EXOC2: variants seen among roughly 807,000 people sequenced by gnomAD.
EXOC2 encodes SEC5-like 1.
EXOC2 carries 70 observed loss-of-function variants against 131.8 expected under a neutral mutation model. The observed-to-expected ratio is 0.53, with a 90% CI of 0.44 to 0.65. EXOC2 has a LOEUF of 0.65. EXOC2 is among the 30% of genes least tolerant of loss of function. EXOC2 has a pLI of 0.00. For synonymous variants in EXOC2, 411 were observed against 398.4 expected (o/e 1.03, Z -0.38); for missense variants, 923 against 1,108.6 (o/e 0.83, Z 2.38).
At chr6:656,896 T>C (rs764599314) in intron 1 of EXOC2, 16 of 1,594,112 alleles carry the variant, frequency 1.0e-5, no homozygotes, top group Non-Finnish European at 1.3e-5. Context: ...CTGACGTGAA[T>C]GAACAGCTCT....
intron 10 of EXOC2, among the ~76,000 whole-genome samples, chr6:593,179 C>A (rs1252542087): frequency 1.3e-5 from 2 of 152,062 alleles, no homozygotes; most frequent in Non-Finnish European, 2.9e-5. Flanking sequence ...GAGCATTTTT[C>A]TTTATATTTA....
chr6:603,599 T>G (rs1188709038), intron 7 of EXOC2, among the ~76,000 whole-genome samples: 1 of 152,138 alleles, frequency 6.6e-6, no homozygotes, highest in Admixed American at 6.5e-5. Context: ...TAGGTTAATT[T>G]TTTCTATCTT....
At chr6:540,990 C>T (rs892825369) in intron 22 of EXOC2, among the ~76,000 whole-genome samples, 3 of 152,198 alleles carry the variant, frequency 2.0e-5, no homozygotes, top group Non-Finnish European at 2.9e-5. Flanking sequence ...AATCCACAAA[C>T]CCGATGTAAT....
intron 23 of EXOC2, among the ~76,000 whole-genome samples, chr6:521,667 CAGGT>C (rs1327010767): frequency 6.6e-6 from 1 of 152,072 alleles, no homozygotes; most frequent in Non-Finnish European, 1.5e-5. Context: ...GCTGGGACCA[CAGGT>C]ATGTGCCACC....
chr6:499,412 G>A (rs796154826), intron 24 of EXOC2, among the ~76,000 whole-genome samples: 18 of 147,214 alleles, frequency 1.2e-4, no homozygotes, highest in African/African-American at 4.5e-4. Context: ...TACAATTTCA[G>A]AGAAAGACTC....
chr6:645,581 G>A (rs1762543531), intron 1 of EXOC2, among the ~76,000 whole-genome samples: 1 of 100,458 alleles, frequency 1.0e-5, no homozygotes, highest in African/African-American at 3.3e-5. Flanking sequence ...TGATAACAAA[G>A]GAAGCAACCC....
rs1298256971 is a variant in EXOC2, at chr6:532,586, G to A, written c.2263C>T (p.Leu755=). The A allele has an allele frequency of 6.3e-7, 1 of 1,598,586 alleles. No homozygotes were observed. Among genetic ancestry groups the A allele is most frequent in the Non-Finnish European group, 8.5e-7 (1 of 1,174,436 alleles). Residue 755 remains leucine, a synonymous_variant, in exon 23 of 28, where the codon CTA becomes TTA. Transcript: ENST00000230449. Reference sequence around the variant, plus strand: ...TAATTTTCAAAGAGTCTTTGATCTAGTTCTTTCAATGAGGCCATGCTAACC... The same window carrying A: ...TAATTTTCAAAGAGTCTTTGATCTAATTCTTTCAATGAGGCCATGCTAACC... ...TQVSMASLKE[L]DQRLFENYIE... is the part of the protein sequence containing the mutation.
rs1193989319 is a variant in EXOC2 at position 521,714 on chromosome 6, G to A, written c.2380+10755C>T. On this transcript the variant is annotated intron_variant, in intron 23 of 27. Transcript: ENST00000230449. ...GCTAATTTTTGTGTTTTTTTGTAGG[G>A]ATGGGGTCTCACTATGTTGCCCAGG... Among the ~76,000 whole-genome samples, 3 of 151,888 alleles carry A rather than the reference G, an allele frequency of 2.0e-5. No homozygotes were observed. The East Asian group carries it at 5.8e-4, about 29-fold the overall frequency.
chr6:508,097 A>G (rs1478136708), intron 23 of EXOC2, among the ~76,000 whole-genome samples: 1 of 152,212 alleles, frequency 6.6e-6, no homozygotes, highest in African/African-American at 2.4e-5. Flanking sequence ...GAAACTTGCT[A>G]AATTTCATTC....
At chr6:653,293 T>C (rs890837821) in intron 1 of EXOC2, among the ~76,000 whole-genome samples, 23 of 152,242 alleles carry the variant, frequency 1.5e-4, no homozygotes, top group African/African-American at 4.6e-4. Flanking sequence ...AAGGAAGCCA[T>C]GTCTAATGAC....
rs187592368 is a variant in EXOC2, at chr6:488,967, C to T, written c.2681+12G>A. 1.8e-5 allele frequency: 29 copies of T among 1,613,822 alleles called. No homozygotes were observed. In the East Asian group the frequency reaches 3.3e-4, roughly 19 times the overall value. On this transcript the variant is annotated intron_variant, in intron 27 of 27. Transcript: ENST00000230449. ...ATTCAACTGGCTCCTAAGAACAGCACACAGGACTTACTTTTTATCTGCTCC... is the reference window on the plus strand; with the variant it reads ...ATTCAACTGGCTCCTAAGAACAGCATACAGGACTTACTTTTTATCTGCTCC...
intron 3 of EXOC2, among the ~76,000 whole-genome samples, chr6:632,368 G>A (rs565425875): frequency 5.9e-5 from 9 of 152,180 alleles, no homozygotes; most frequent in Admixed American, 3.9e-4. Flanking sequence ...CGCTGCTAAC[G>A]TAAGGCAGCA....
At chr6:536,714 A>G (rs561441429) in intron 22 of EXOC2, among the ~76,000 whole-genome samples, 84 of 152,346 alleles carry the variant, frequency 5.5e-4, no homozygotes, top group African/African-American at 1.9e-3. Context: ...CCTAAACATA[A>G]AAGTTAACAT....
At chr6:630,900 C>G (rs1387583810) in intron 3 of EXOC2, among the ~76,000 whole-genome samples, 1 of 152,220 alleles carries the variant, frequency 6.6e-6, no homozygotes, top group Non-Finnish European at 1.5e-5. Flanking sequence ...GGAAAACTGA[C>G]TGGGTGTGGA....
chr6:502,056 T>C (rs966574213), intron 23 of EXOC2, among the ~76,000 whole-genome samples: 1 of 152,184 alleles, frequency 6.6e-6, no homozygotes, highest in Non-Finnish European at 1.5e-5. Context: ...TCATACCCTC[T>C]GGGCAGCCCC....
chr6:506,781 A>G lies in EXOC2; in HGVS notation c.2381-7081T>C, dbSNP rs28640142. The stretch of plus-strand genomic sequence containing the variant: ...ACTTGTAGGCTGTTTCCTGTAAGCC[A>G]GCCGGTGTAACCCAGCATATTCTCC... On this transcript the variant is annotated intron_variant, in intron 23 of 27. Coordinates refer to ENST00000230449, the MANE Select transcript of EXOC2 (RefSeq NM_018303.6). The surrounding 1 kb of genome is among the most constrained non-coding windows in gnomAD (Gnocchi z 4.4). Among the ~76,000 whole-genome samples, 70,907 of 151,898 alleles carry G rather than the reference A, an allele frequency of 0.47. 19,131 individuals carry two copies. The highest frequency in any genetic ancestry group is 0.69 in the South Asian group (3,317 of 4,796).
intron 7 of EXOC2, among the ~76,000 whole-genome samples, chr6:609,889 T>G (rs1391529756): frequency 2.6e-5 from 4 of 152,210 alleles, no homozygotes; most frequent in Admixed American, 6.5e-5. Context: ...GTTTTCAAAT[T>G]ATGATTTCTC....
chr6:632,096 G>A (rs1348865365), intron 3 of EXOC2, among the ~76,000 whole-genome samples: 2 of 152,178 alleles, frequency 1.3e-5, no homozygotes, highest in Non-Finnish European at 2.9e-5. Context: ...AGATGAATCT[G>A]ACATTACTCT....
chr6:576,869 C>A lies in EXOC2; in HGVS notation c.1206G>T (p.Leu402=). ...TATCAAGATCCAACATGGGACTGTG[C>A]AGGCCTGGGTTACCTGGGGAAGAAA... ...YVKDLKGNPG[L]HSPMLDLDND... Residue 402 remains leucine (L), a synonymous_variant, in exon 12 of 28, where the codon CTG becomes CTT. Transcript: ENST00000230449. 6.2e-7 allele frequency: 1 copy of A among 1,613,926 alleles called. No individual in the cohort carries two copies. The highest frequency in any genetic ancestry group is 1.1e-5 in the South Asian group (1 of 91,028).
Sources: gnomAD v4.1 joint callset for allele counts (sites outside exome capture counted in the v4.1 genomes callset) on GRCh38, gnomAD v4.1.1 for gene constraint, Gnocchi (gnomAD v3.1) non-coding constraint, MANE v1.5 for transcripts, NCBI Gene and HGNC (gene_info 2026-07-23, HGNC 2026-07-21) for gene names.